VRK2: variants seen among roughly 807,000 people sequenced by gnomAD.
VRK2 encodes VRK serine/threonine kinase 2.
VRK2 carries 60 observed loss-of-function variants against 57.6 expected under a neutral mutation model. That is an observed-to-expected ratio of 1.04 (90% CI 0.85 to 1.29). The LOEUF (loss-of-function observed/expected upper bound fraction) is 1.29. Among genes scored for constraint, VRK2 ranks in the 50% most tolerant of loss-of-function variants. The probability of loss-of-function intolerance (pLI) is 0.00; values close to 1 mark genes in which losing one functional copy is unlikely to be tolerated. For synonymous variants in VRK2, 231 were observed against 199.2 expected, an observed-to-expected ratio of 1.16 and a Z score of -1.35; for missense variants, 705 against 588.1, an observed-to-expected ratio of 1.20 and a Z score of -2.06.
intron 1 of VRK2, among the ~76,000 whole-genome samples, chr2:57,925,204 G>C (rs1342308844): frequency 1.3e-5 from 2 of 151,964 alleles, no homozygotes; most frequent in East Asian, 1.9e-4. Context: ...TTTGGTATCT[G>C]GGTAATACTG....
At chr2:58,091,784 C>T (rs1672415358) in intron 7 of VRK2, among the ~76,000 whole-genome samples, 1 of 151,888 alleles carries the variant, frequency 6.6e-6, no homozygotes, top group Non-Finnish European at 1.5e-5. Flanking sequence ...ATATGACTGT[C>T]CTAGAAACAG....
rs1321019062 is a variant in VRK2, at chr2:58,125,507, G to C, written c.676+2274G>C. On this transcript the variant is annotated intron_variant, in intron 8 of 12. Coordinates refer to ENST00000340157, the MANE Select transcript of VRK2 (RefSeq NM_006296.7). ...ATCACAGAATGATCACAGAAAGATG[G>C]TGTTACATCCCTGGGGGAGGTATAT... Among the ~76,000 whole-genome samples, 3 of 152,000 alleles carry C rather than the reference G, an allele frequency of 2.0e-5. No homozygotes were observed. In the South Asian group the frequency reaches 6.2e-4, roughly 31 times the overall value.
chr2:58,099,582 A>G (rs2104330097), intron 7 of VRK2, among the ~76,000 whole-genome samples: 1 of 152,168 alleles, frequency 6.6e-6, no homozygotes, highest in African/African-American at 2.4e-5. Flanking sequence ...TTGATTGTAG[A>G]GCTCCTTGCC....
intron 5 of VRK2, among the ~76,000 whole-genome samples, chr2:58,086,850 G>T (rs1385496331): frequency 6.6e-6 from 1 of 152,152 alleles, no homozygotes; most frequent in African/African-American, 2.4e-5. Flanking sequence ...TTAATTGGGG[G>T]ACGGGGAGAG....
rs1471697356 is a variant in VRK2, at chr2:57,933,357, G to A, written c.-439+25518G>A. Among the ~76,000 whole-genome samples, 2 of 116,568 alleles carry A rather than the reference G, an allele frequency of 1.7e-5. 1 individual carries two copies. The highest frequency in any genetic ancestry group is 3.2e-5 in the Non-Finnish European group (2 of 62,618). 76.5% of individuals were successfully genotyped at this position (116,568 alleles called of 152,430 possible). ...GAGGCAGTATCTCACTCTGTTGCCA[G>A]GCTGGAGTGCAGTGGTGCAATCTCG... On this transcript the variant is annotated intron_variant, in intron 1 of 15. Coordinates refer to the VRK2 transcript ENST00000417641.
chr2:57,941,355 G>C (rs1671088137), intron 1 of VRK2, among the ~76,000 whole-genome samples: 1 of 152,108 alleles, frequency 6.6e-6, no homozygotes. Context: ...TTGTGAGCAG[G>C]ATGGCTGAAC....
intron 1 of VRK2, among the ~76,000 whole-genome samples, chr2:57,926,676 T>TCA (rs1255691893): frequency 6.6e-6 from 1 of 151,852 alleles, no homozygotes; most frequent in African/African-American, 2.4e-5. Context: ...TCCTGCTCTG[T>TCA]TTTGGTTTCC....
intron 2 of VRK2, among the ~76,000 whole-genome samples, chr2:58,059,507 T>C (rs190225585): frequency 2.0e-4 from 30 of 152,060 alleles, no homozygotes; most frequent in Admixed American, 1.6e-3. Context: ...CTTAGAAAAG[T>C]AGGCCTTTTA....
chr2:57,987,781 G>A (rs1413056145), intron 1 of VRK2, among the ~76,000 whole-genome samples: 1 of 152,070 alleles, frequency 6.6e-6, no homozygotes, highest in African/African-American at 2.4e-5. Context: ...AAAAAAGATT[G>A]TGGAACCTCC....
At position 58,088,420 on chromosome 2, in the gene VRK2, A is replaced by T; in HGVS notation, c.424A>T (p.Thr142Ser). The change falls in exon 6 of 13, where the codon ACT becomes TCT. Residue 142 changes from threonine to serine, a missense_variant. By Grantham distance (58) the Thr-to-Ser change is moderately conservative. Coordinates refer to ENST00000340157, the MANE Select transcript of VRK2 (RefSeq NM_006296.7). ...CCAGAATGGTACCTTTAAAAAGTCA[A>T]CTGTCCTGCAATTAGGTATCCGAAT... ...SGQNGTFKKS[T>S]VLQLGIRMLD... The T allele has an allele frequency of 6.2e-7, 1 of 1,612,866 alleles. No homozygotes were observed. The highest frequency in any genetic ancestry group is 8.5e-7 in the Non-Finnish European group (1 of 1,179,152).
chr2:57,990,361 C>CCA (rs1317339503), intron 1 of VRK2, among the ~76,000 whole-genome samples: 1 of 152,118 alleles, frequency 6.6e-6, no homozygotes, highest in East Asian at 1.9e-4. Context: ...GATCACTGGA[C>CCA]CATAGACAGT....
chr2:58,090,328 G>T (rs553944115), intron 7 of VRK2, among the ~76,000 whole-genome samples: 3 of 151,352 alleles, frequency 2.0e-5, no homozygotes, highest in Non-Finnish European at 4.4e-5. Context: ...CCCAGGAGGC[G>T]GATGTTGCAG....
At chr2:57,923,709 CTG>C (rs1332634024) in intron 1 of VRK2, among the ~76,000 whole-genome samples, 1 of 151,762 alleles carries the variant, frequency 6.6e-6, no homozygotes, top group East Asian at 1.9e-4. Flanking sequence ...GTTTCCTTTG[CTG>C]TGCTGAAGCT....
intron 1 of VRK2, among the ~76,000 whole-genome samples, chr2:57,999,292 T>C (rs1195233662): frequency 1.3e-5 from 2 of 152,204 alleles, no homozygotes; most frequent in African/African-American, 4.8e-5. Flanking sequence ...AGTAGTTCCT[T>C]CTTTGTTTGT....
chr2:57,941,472 A>G (rs1671091689), intron 1 of VRK2, among the ~76,000 whole-genome samples: 1 of 152,202 alleles, frequency 6.6e-6, no homozygotes, highest in African/African-American at 2.4e-5. Context: ...AAGAAAAGAA[A>G]GAGGATACTA....
intron 1 of VRK2, among the ~76,000 whole-genome samples, chr2:57,916,135 G>A (rs369206914): frequency 5.9e-5 from 9 of 152,144 alleles, no homozygotes; most frequent in Middle Eastern, 3.4e-3. Flanking sequence ...GGGCGGGCGC[G>A]GTGGCTCAAA....
At chr2:57,969,005 A>T (rs965103752) in intron 1 of VRK2, among the ~76,000 whole-genome samples, 1 of 152,168 alleles carries the variant, frequency 6.6e-6, no homozygotes, top group African/African-American at 2.4e-5. Context: ...GGCAAGCCTC[A>T]TTGCCAGGTT....
intron 12 of VRK2, among the ~76,000 whole-genome samples, chr2:58,151,735 T>TG (rs1193802490): frequency 1.3e-5 from 1 of 78,154 alleles, no homozygotes; most frequent in African/African-American, 6.0e-5. Context: ...ATGCTTGTTT[T>TG]TTTTTTTTTT....
chr2:57,960,202 C>A (rs560531697), intron 1 of VRK2, among the ~76,000 whole-genome samples: 1 of 152,014 alleles, frequency 6.6e-6, no homozygotes, highest in Non-Finnish European at 1.5e-5. Context: ...TATCATACAA[C>A]CAAAAAGAGT....
Sources: gnomAD v4.1 joint callset for allele counts (sites outside exome capture counted in the v4.1 genomes callset) on GRCh38, gnomAD v4.1.1 for gene constraint, MANE v1.5 for transcripts, NCBI Gene and HGNC (gene_info 2026-07-23, HGNC 2026-07-21) for gene names.